Variants in SSPN observed in about 807,000 individuals in gnomAD.
SSPN encodes K-ras oncogene-associated protein.
SSPN carries 15 observed loss-of-function variants against 19.1 expected under a neutral mutation model. The observed-to-expected ratio is 0.78, with a 90% CI of 0.52 to 1.21. SSPN has a LOEUF of 1.21. Ranked by LOEUF, SSPN falls within the 50% of genes most tolerant of loss-of-function variation. The probability of loss-of-function intolerance (pLI) is 0.00; values close to 1 mark genes in which losing one functional copy is unlikely to be tolerated. For missense variants in SSPN, 291 were observed against 314.0 expected (o/e 0.93, Z 0.55); for synonymous variants, 147 against 140.3 (o/e 1.05, Z -0.34).
chr12:26,161,462 A>T (rs1243083473), intron 1 of SSPN, among the ~76,000 whole-genome samples: 1 of 152,010 alleles, frequency 6.6e-6, no homozygotes, highest in African/African-American at 2.4e-5. Context: ...GCCCCATCGA[A>T]TTCTGCAATT....
chr12:26,232,987 TGA>T lies in SSPN; in HGVS notation c.*1913_*1914del, dbSNP rs1391995593. 6.8e-6 allele frequency: 1 copy of T among 147,798 alleles called. No individual in the cohort carries two copies. The highest frequency in any genetic ancestry group is 2.5e-5 in the African/African-American group (1 of 40,192). 9.2% of individuals were successfully genotyped at this position (147,798 alleles called of 1,614,324 possible). ...AACTGAATCCATTTTGATTTTTGGT[TGA>T]GTTTCCTACACAAAGAAGAAAATAA... is the stretch of plus-strand genomic sequence containing the variant. On this transcript the variant is annotated 3_prime_UTR_variant, in exon 3 of 3. Transcript: ENST00000242729.
At chr12:26,185,208 A>T (rs568454075) in intron 1 of SSPN, among the ~76,000 whole-genome samples, 1 of 152,322 alleles carries the variant, frequency 6.6e-6, no homozygotes, top group Admixed American at 6.5e-5. Flanking sequence ...TTCTTTCTTT[A>T]GTTCATTCAA....
Position 26,130,277 on chromosome 12 carries a change from A to T in SSPN, c.-31+8125A>T, listed in dbSNP as rs536698322. 1.2e-3 allele frequency among the ~76,000 whole-genome samples: 187 copies of T among 152,330 alleles called. 1 individual carries two copies. The highest frequency in any genetic ancestry group is 3.3e-3 in the South Asian group (16 of 4,826). On this transcript the variant is annotated intron_variant, in intron 1 of 2. Transcript: ENST00000538142. ...AAGAAAAACATGTTTATGCAATGTG[A>T]AGCACATTCAAATATAAATAAGATG...
intron 1 of SSPN, chr12:26,180,702 A>C (rs1294696040): frequency 6.6e-6 from 1 of 152,234 alleles, no homozygotes; most frequent in Non-Finnish European, 1.5e-5. Flanking sequence ...CTTGAACAGT[A>C]CTTGAGATCT....
intron 1 of SSPN, among the ~76,000 whole-genome samples, chr12:26,168,988 A>AT (rs1165770616): frequency 1.0e-3 from 149 of 148,670 alleles, no homozygotes; most frequent in Middle Eastern, 3.4e-3. Flanking sequence ...AATGGTAGTG[A>AT]TTTTTTTTTA....
chr12:26,138,717 TA>T (rs1416686755), intron 1 of SSPN, among the ~76,000 whole-genome samples: 1 of 152,112 alleles, frequency 6.6e-6, no homozygotes, highest in Non-Finnish European at 1.5e-5. Flanking sequence ...TAATTATTTT[TA>T]AAAAGCCAAG....
chr12:26,139,854 G>A (rs1280618786), intron 1 of SSPN, among the ~76,000 whole-genome samples: 1 of 152,016 alleles, frequency 6.6e-6, no homozygotes, highest in East Asian at 1.9e-4. Flanking sequence ...CAGAATGTTG[G>A]TCCTGTGTTT....
intron 1 of SSPN, among the ~76,000 whole-genome samples, chr12:26,139,882 C>T (rs1020629618): frequency 6.6e-6 from 1 of 152,074 alleles, no homozygotes; most frequent in South Asian, 2.1e-4. Flanking sequence ...ATTTCTGAAG[C>T]GGACACTCTT....
chr12:26,227,376 A>G (rs1357547788), intron 2 of SSPN, among the ~76,000 whole-genome samples: 1 of 152,166 alleles, frequency 6.6e-6, no homozygotes, highest in Non-Finnish European at 1.5e-5. Context: ...CCGAGTCACT[A>G]AAGTGTGAGA....
intron 1 of SSPN, among the ~76,000 whole-genome samples, chr12:26,172,179 TATA>T (rs1337358398): frequency 2.6e-5 from 4 of 152,352 alleles, no homozygotes; most frequent in Admixed American, 2.6e-4. Context: ...CTCGAATGGA[TATA>T]ATATTTGATG....
chr12:26,209,859 C>A (rs1017893952), intron 1 of SSPN, among the ~76,000 whole-genome samples: 1 of 149,540 alleles, frequency 6.7e-6, no homozygotes, highest in East Asian at 2.0e-4. Flanking sequence ...TAAGAGCTAG[C>A]CTTCACTAAT....
chr12:26,224,409 C>T lies in SSPN; in HGVS notation c.366+30C>T, dbSNP rs952282568. On this transcript the variant is annotated intron_variant, in intron 2 of 2. Coordinates refer to ENST00000242729, the MANE Select transcript of SSPN (RefSeq NM_005086.5). The stretch of plus-strand genomic sequence containing the variant: ...GTTGTGATTGTTCTTTCTCTTTTAT[C>T]ATCACATAGAAAGAAATCCAAGTAC... The T allele has an allele frequency of 2.0e-6, 3 of 1,524,794 alleles. No homozygotes were observed. The Admixed American group carries it at 5.0e-5, about 25-fold the overall frequency. 94.5% of individuals were successfully genotyped at this position (1,524,794 alleles called of 1,614,324 possible).
intron 1 of SSPN, among the ~76,000 whole-genome samples, chr12:26,161,482 C>T (rs1012958261): frequency 2.0e-5 from 3 of 152,206 alleles, no homozygotes; most frequent in Admixed American, 6.5e-5. Flanking sequence ...TTAGCGCCCA[C>T]CACTGTACTC....
At chr12:26,227,805 A>G (rs922724137) in intron 2 of SSPN, among the ~76,000 whole-genome samples, 1 of 152,196 alleles carries the variant, frequency 6.6e-6, no homozygotes, top group African/African-American at 2.4e-5. Context: ...ACAGGGATTG[A>G]TGAATTTGCC....
intron 1 of SSPN, among the ~76,000 whole-genome samples, chr12:26,178,340 T>C (rs937699920): frequency 6.6e-6 from 1 of 151,370 alleles, no homozygotes; most frequent in African/African-American, 2.5e-5. Flanking sequence ...TTATAAGGAC[T>C]AAATGTATGT....
intron 1 of SSPN, among the ~76,000 whole-genome samples, chr12:26,172,834 C>A (rs1944661767): frequency 1.3e-5 from 2 of 151,314 alleles, no homozygotes; most frequent in South Asian, 2.1e-4. Flanking sequence ...CGATTAGAAT[C>A]CACTTTCTTT....
upstream of SSPN, among the ~76,000 whole-genome samples, chr12:26,194,873 C>G (rs1473475944): frequency 6.6e-6 from 1 of 152,106 alleles, no homozygotes; most frequent in East Asian, 1.9e-4. Flanking sequence ...TGCCTGTAGT[C>G]CCAGCCACTT....
chr12:26,124,422 G>T, intron 1 of SSPN: 1 of 1,352,268 alleles, frequency 7.4e-7, no homozygotes, highest in Non-Finnish European at 1.1e-6. Context: ...AAGCTCAGGG[G>T]CTGGAATATA....
chr12:26,169,363 T>A (rs1237382550), intron 1 of SSPN, among the ~76,000 whole-genome samples: 9 of 152,126 alleles, frequency 5.9e-5, no homozygotes, highest in African/African-American at 1.9e-4. Flanking sequence ...CTCTGTTATA[T>A]TTTCTTTATT....
Sources: gnomAD v4.1 joint callset for allele counts (sites outside exome capture counted in the v4.1 genomes callset) on GRCh38, gnomAD v4.1.1 for gene constraint, MANE v1.5 for transcripts, NCBI Gene and HGNC (gene_info 2026-07-23, HGNC 2026-07-21) for gene names.